The following ELMO1 variants were observed in gnomAD, a reference collection of about 807,000 sequenced individuals.
ELMO1 encodes engulfment and cell motility protein 1.
ELMO1 carries 26 observed loss-of-function variants against 98.9 expected under a neutral mutation model. The observed-to-expected ratio is 0.26, with a 90% CI of 0.19 to 0.36. ELMO1 has a LOEUF of 0.36. ELMO1 is among the 10% of genes least tolerant of loss of function. ELMO1 has a pLI of 1.00. For synonymous variants in ELMO1, 346 were observed against 346.0 expected (o/e 1.00, Z 0.00); for missense variants, 627 against 935.2 (o/e 0.67, Z 4.30).
intron 1 of ELMO1, among the ~76,000 whole-genome samples, chr7:37,385,349 C>T (rs925374867): frequency 6.6e-6 from 1 of 152,236 alleles, no homozygotes; most frequent in Non-Finnish European, 1.5e-5. Context: ...TCCCCCTCCC[C>T]TCCAGCCACA....
intron 6 of ELMO1, among the ~76,000 whole-genome samples, chr7:37,253,975 GTTAA>G (rs917894595): frequency 1.3e-5 from 2 of 152,164 alleles, no homozygotes; most frequent in African/African-American, 4.8e-5. Context: ...AAGGTTTCCT[GTTAA>G]TTAATTGAAG....
At chr7:36,984,648 G>C (rs1444044930) in intron 16 of ELMO1, among the ~76,000 whole-genome samples, 1 of 152,148 alleles carries the variant, frequency 6.6e-6, no homozygotes, top group Non-Finnish European at 1.5e-5. Context: ...GATTTCTCTT[G>C]TTTGACTATT....
In ELMO1 at chr7:37,342,769, G is replaced by A. The variant is rs1800788175; in HGVS notation, c.-73-6C>T. 7 of 1,254,306 alleles carry A rather than the reference G, an allele frequency of 5.6e-6. 1 individual carries two copies. In the South Asian group the frequency reaches 8.5e-5, roughly 15 times the overall value. The allele number at this position is 1,254,306 out of a possible 1,614,324, so 77.7% of individuals were successfully genotyped here. On this transcript the variant is annotated splice_polypyrimidine_tract_variant and splice_region_variant and intron_variant, in intron 1 of 21. Transcript: ENST00000310758. This position sits in a 1 kb window ranked among gnomAD's most constrained non-coding sequence, Gnocchi z 4.3. ...ACGGCCACACGTGTCTATACCTAAT[G>A]AGGAATGACAGAAAAAGAAAGAGAA...
At chr7:37,244,309 A>AGT in intron 7 of ELMO1, 47 bp downstream of exon 7, 1 of 1,595,162 alleles carries the variant, frequency 6.3e-7, no homozygotes, top group East Asian at 2.2e-5. Context: ...TATGCAGGAA[A>AGT]GTAGGAAGGG....
intron 13 of ELMO1, among the ~76,000 whole-genome samples, chr7:37,189,203 C>A (rs994775448): frequency 6.6e-5 from 10 of 152,156 alleles, no homozygotes; most frequent in Non-Finnish European, 1.2e-4. Context: ...AAGATTCAAA[C>A]TGCATTGCCA....
intron 8 of ELMO1, among the ~76,000 whole-genome samples, chr7:37,225,286 T>C (rs1793803471): frequency 6.6e-6 from 1 of 152,222 alleles, no homozygotes; most frequent in Admixed American, 6.5e-5. Flanking sequence ...CCAAGGATTA[T>C]TCTTTCTGTA....
chr7:36,952,327 C>T (rs1292148710), intron 16 of ELMO1, among the ~76,000 whole-genome samples: 1 of 152,194 alleles, frequency 6.6e-6, no homozygotes, highest in East Asian at 1.9e-4. Flanking sequence ...GGGCCAAACA[C>T]AGCACGTGGC....
intron 1 of ELMO1, among the ~76,000 whole-genome samples, chr7:37,385,119 G>A (rs1322967436): frequency 6.6e-6 from 1 of 152,184 alleles, no homozygotes; most frequent in African/African-American, 2.4e-5. Flanking sequence ...GGACAGTGCC[G>A]AAAAGTCCAC....
At chr7:37,198,467 C>T (rs1032964412) in intron 13 of ELMO1, among the ~76,000 whole-genome samples, 8 of 152,200 alleles carry the variant, frequency 5.3e-5, no homozygotes, top group Admixed American at 2.0e-4. Flanking sequence ...CCATAACAAG[C>T]CTGGGTGGGA....
chr7:37,179,500 A>C (rs1584770720), intron 13 of ELMO1, among the ~76,000 whole-genome samples: 1 of 151,106 alleles, frequency 6.6e-6, no homozygotes, highest in Non-Finnish European at 1.5e-5. Flanking sequence ...GCTGGTCTCG[A>C]CCTCCTGACC....
At chr7:37,372,574 A>G (rs1007978203) in intron 1 of ELMO1, among the ~76,000 whole-genome samples, 1 of 152,226 alleles carries the variant, frequency 6.6e-6, no homozygotes, top group African/African-American at 2.4e-5. Context: ...TCTCATTTTT[A>G]AAGTTATAGC....
intron 16 of ELMO1, among the ~76,000 whole-genome samples, chr7:37,011,368 C>A (rs373962300): frequency 6.6e-6 from 1 of 152,148 alleles, no homozygotes; most frequent in African/African-American, 2.4e-5. Context: ...ATCCTGGGGC[C>A]TCCGGCTTCC....
chr7:37,258,891 C>T (rs1795835181), intron 6 of ELMO1, among the ~76,000 whole-genome samples: 1 of 151,784 alleles, frequency 6.6e-6, no homozygotes, highest in African/African-American at 2.4e-5. Flanking sequence ...TTCATTGTTG[C>T]CAAGGCCCTC....
At position 37,086,019 on chromosome 7, in the gene ELMO1, C is replaced by A. The variant is rs117571628; in HGVS notation, c.1300+10600G>T. Among the ~76,000 whole-genome samples the A allele has an allele frequency of 7.6e-3, 1,152 of 152,310 alleles. 2 individuals are homozygous for A. Among genetic ancestry groups the A allele is most frequent in the Middle Eastern group, 0.014 (4 of 294 alleles). ...AGGTCCCTGACAGCAACACCGTTGA[C>A]CTGCTTTGGGAAGAATTAGGCGGCA... On this transcript the variant is annotated intron_variant, in intron 15 of 21. Transcript: ENST00000310758.
rs572905311 is a variant in ELMO1, at chr7:37,278,446, C to T, written c.193-6564G>A. Among the ~76,000 whole-genome samples the T allele has an allele frequency of 2.0e-5, 3 of 152,130 alleles. No homozygotes were observed. In the South Asian group the frequency reaches 6.2e-4, roughly 32 times the overall value. On this transcript the variant is annotated intron_variant, in intron 4 of 21. Coordinates refer to ENST00000310758, the MANE Select transcript of ELMO1 (RefSeq NM_014800.11). ...ATTGCTTGAGCCCAGAAAGTTAAGG[C>T]TGCAGTGATCTATGATCCCACTACT... is the stretch of plus-strand genomic sequence containing the variant.
At chr7:37,375,368 A>G (rs1562651189) in intron 1 of ELMO1, among the ~76,000 whole-genome samples, 1 of 152,228 alleles carries the variant, frequency 6.6e-6, no homozygotes. Flanking sequence ...GCTGGTTATC[A>G]CTTACCTATG....
chr7:36,885,242 G>A (rs1337479624), intron 18 of ELMO1, among the ~76,000 whole-genome samples: 1 of 152,054 alleles, frequency 6.6e-6, no homozygotes, highest in African/African-American at 2.4e-5. Flanking sequence ...TAATCTAGAT[G>A]CTAATATTTT....
chr7:37,030,716 T>C (rs1794834216), intron 15 of ELMO1, among the ~76,000 whole-genome samples: 1 of 152,176 alleles, frequency 6.6e-6, no homozygotes, highest in African/African-American at 2.4e-5. Flanking sequence ...GTCTCCTTCA[T>C]AGATTTGTTT....
chr7:37,358,227 T>C (rs1210902928), intron 1 of ELMO1, among the ~76,000 whole-genome samples: 1 of 152,146 alleles, frequency 6.6e-6, no homozygotes, highest in Non-Finnish European at 1.5e-5. Context: ...CTTCTGAAAA[T>C]TTACTTTGAT....
Sources: allele counts gnomAD v4.1 joint callset (sites outside exome capture counted in the v4.1 genomes callset), GRCh38; gene constraint gnomAD v4.1.1; non-coding constraint Gnocchi (gnomAD v3.1); transcripts MANE v1.5; gene names NCBI Gene and HGNC (gene_info 2026-07-23, HGNC 2026-07-21).